The following CACNA1D variants were observed in gnomAD, a reference collection of about 807,000 sequenced individuals.
CACNA1D encodes the protein calcium voltage-gated channel subunit alpha1 D, also known as voltage-dependent L-type calcium channel subunit alpha-1D.
In CACNA1D, 55 loss-of-function variants were observed where a neutral mutation model predicts 257.1. The ratio of observed to expected loss-of-function variants is 0.21; its 90% CI spans 0.17 to 0.27. The LOEUF (loss-of-function observed/expected upper bound fraction) is 0.27. Among genes scored for constraint, CACNA1D ranks in the 10% least tolerant of loss-of-function variants. The pLI, the probability that CACNA1D is intolerant of heterozygous loss-of-function variation, is 1.00. For synonymous variants in CACNA1D, 980 were observed against 1,014.9 expected (o/e 0.97, Z 0.65); for missense variants, 1,876 against 2,784.0 (o/e 0.67, Z 7.34).
intron 3 of CACNA1D, among the ~76,000 whole-genome samples, chr3:53,580,713 T>C (rs1322254417): frequency 1.3e-5 from 2 of 152,236 alleles, no homozygotes; most frequent in African/African-American, 4.8e-5. Flanking sequence ...TATTTCCCAG[T>C]GCAAATACTC....
Position 53,629,130 on chromosome 3 carries a change from G to A in CACNA1D, c.484-21649G>A, listed in dbSNP as rs118108567. Among the ~76,000 whole-genome samples the A allele has an allele frequency of 4.3e-3, 648 of 152,354 alleles. 22 individuals carry two copies. The East Asian group carries it at 0.084, about 20-fold the overall frequency. On this transcript the variant is annotated intron_variant, in intron 3 of 47. Transcript: ENST00000350061. ...AGCAGCCTTAGACAAGAAAACAAAC[G>A]AGCGTGGTTGTGTGGCAGTAAAGCT...
chr3:53,624,130 T>C (rs1166610900), intron 3 of CACNA1D, among the ~76,000 whole-genome samples: 1 of 152,102 alleles, frequency 6.6e-6, no homozygotes, highest in African/African-American at 2.4e-5. Context: ...GCCAGATACA[T>C]CCTTCTAGAT....
At chr3:53,533,986 C>T (rs2092034151) in intron 3 of CACNA1D, among the ~76,000 whole-genome samples, 1 of 152,098 alleles carries the variant, frequency 6.6e-6, no homozygotes, top group Non-Finnish European at 1.5e-5. Context: ...ATTAAAAAGA[C>T]TCATAGTAGT....
chr3:53,566,257 T>A (rs2092833759), intron 3 of CACNA1D, among the ~76,000 whole-genome samples: 1 of 152,140 alleles, frequency 6.6e-6, no homozygotes. Context: ...CTTCACCTCT[T>A]ACTGACATCC....
At chr3:53,571,973 T>C (rs1440590229) in intron 3 of CACNA1D, among the ~76,000 whole-genome samples, 1 of 152,194 alleles carries the variant, frequency 6.6e-6, no homozygotes, top group Non-Finnish European at 1.5e-5. Flanking sequence ...TGGAAGTGCC[T>C]TAGACATTAC....
intron 3 of CACNA1D, among the ~76,000 whole-genome samples, chr3:53,601,375 G>T (rs2093440025): frequency 6.6e-6 from 1 of 152,294 alleles, no homozygotes; most frequent in Admixed American, 6.5e-5. Context: ...ACTTTACCAA[G>T]ATCTACCCCT....
rs184387752 is a variant in CACNA1D at position 53,789,957 on chromosome 3, G to A, written c.4923+3005G>A. 1.3e-5 allele frequency among the ~76,000 whole-genome samples: 2 copies of A among 152,280 alleles called. No individual in the cohort carries two copies. Among genetic ancestry groups the A allele is most frequent in the East Asian group, 1.9e-4 (1 of 5,190 alleles). On this transcript the variant is annotated intron_variant, in intron 40 of 47. Coordinates refer to ENST00000350061, the MANE Select transcript of CACNA1D (RefSeq NM_001128840.3). The surrounding 1 kb of genome is among the most constrained non-coding windows in gnomAD (Gnocchi z 4.2). The stretch of plus-strand genomic sequence containing the variant: ...TGGATCCATGTGTGGGAAGGAGCTC[G>A]GCATCCGGTGTCTTCTGGCCTCTGT...
chr3:53,725,987 T>C (rs2094930808), intron 14 of CACNA1D, among the ~76,000 whole-genome samples: 1 of 152,234 alleles, frequency 6.6e-6, no homozygotes, highest in African/African-American at 2.4e-5. Flanking sequence ...TGAGGTAGTT[T>C]TGTAAATTTA....
At chr3:53,566,380 G>A (rs1424451682) in intron 3 of CACNA1D, among the ~76,000 whole-genome samples, 1 of 152,002 alleles carries the variant, frequency 6.6e-6, no homozygotes, top group East Asian at 1.9e-4. Flanking sequence ...CCCTGGATGG[G>A]TGTTTGGTTT....
At chr3:53,526,075 G>A (rs770269180) in intron 3 of CACNA1D, among the ~76,000 whole-genome samples, 26 of 152,344 alleles carry the variant, frequency 1.7e-4, no homozygotes, top group Non-Finnish European at 3.2e-4. Flanking sequence ...AAAAGAGAGT[G>A]TGAGAGTCTT....
intron 2 of CACNA1D, among the ~76,000 whole-genome samples, chr3:53,499,332 TA>T (rs2090486931): frequency 6.6e-6 from 1 of 152,136 alleles, no homozygotes; most frequent in African/African-American, 2.4e-5. Flanking sequence ...TCTCTTTTTT[TA>T]ATGACAGTTT....
intron 9 of CACNA1D, among the ~76,000 whole-genome samples, chr3:53,706,322 A>G (rs773985739): frequency 6.6e-6 from 1 of 152,216 alleles, no homozygotes; most frequent in Non-Finnish European, 1.5e-5. Context: ...GTCATTAATA[A>G]CAGCAGATGT....
At chr3:53,708,121 T>G (rs2680661) in intron 9 of CACNA1D, among the ~76,000 whole-genome samples, 44,631 of 152,142 alleles carry the variant, frequency 0.29, 6,836 homozygotes, top group East Asian at 0.48. Flanking sequence ...AGTTGCCTCT[T>G]ACTGCAATGT....
At chr3:53,605,272 C>T (rs3774474) in intron 3 of CACNA1D, among the ~76,000 whole-genome samples, 15,615 of 152,118 alleles carry the variant, frequency 0.1, 842 homozygotes, top group East Asian at 0.17. Flanking sequence ...TGTCTGGCAC[C>T]GTGGGAAGTT....
intron 30 of CACNA1D, chr3:53,766,143 A>G (rs1338511489): frequency 6.6e-6 from 1 of 152,238 alleles, no homozygotes; most frequent in African/African-American, 2.4e-5. Context: ...GTAAAAAGTC[A>G]TTAGGGAGCT....
chr3:53,750,253 A>G (rs1446398405), intron 27 of CACNA1D, among the ~76,000 whole-genome samples: 1 of 152,190 alleles, frequency 6.6e-6, no homozygotes, highest in African/African-American at 2.4e-5. Context: ...CTGTGACCCT[A>G]GGTGCCCTCT....
chr3:53,583,641 T>C (rs2093167623), intron 3 of CACNA1D, among the ~76,000 whole-genome samples: 1 of 152,138 alleles, frequency 6.6e-6, no homozygotes, highest in Non-Finnish European at 1.5e-5. Flanking sequence ...CAGGGGCTGC[T>C]TCTTGGTGAA....
chr3:53,797,935 A>T (rs988430337), intron 40 of CACNA1D: 4 of 152,136 alleles, frequency 2.6e-5, no homozygotes, highest in Non-Finnish European at 4.4e-5. Context: ...ACCTATGTTT[A>T]TTTTGTGGAA....
chr3:53,536,636 G>T (rs966238551), intron 3 of CACNA1D, among the ~76,000 whole-genome samples: 3 of 152,224 alleles, frequency 2.0e-5, no homozygotes, highest in Non-Finnish European at 2.9e-5. Flanking sequence ...ACTAAGAATG[G>T]TGTTTTACAT....
Sources: gnomAD v4.1 joint callset for allele counts (sites outside exome capture counted in the v4.1 genomes callset) on GRCh38, gnomAD v4.1.1 for gene constraint, Gnocchi (gnomAD v3.1) non-coding constraint, MANE v1.5 for transcripts, NCBI Gene and HGNC (gene_info 2026-07-23, HGNC 2026-07-21) for gene names.